The following E2F6 variants were observed in gnomAD, a reference collection of about 807,000 sequenced individuals.
The protein encoded by E2F6 is E2F transcription factor 6.
In E2F6, 19 loss-of-function variants were observed where a neutral mutation model predicts 31.5. That is an observed-to-expected ratio of 0.60 (90% CI 0.42 to 0.89). The LOEUF is 0.89. Among genes scored for constraint, E2F6 ranks in the 40% least tolerant of loss-of-function variants. The pLI, the probability that E2F6 is intolerant of heterozygous loss-of-function variation, is 0.00. For synonymous variants in E2F6, 121 were observed against 127.7 expected, an observed-to-expected ratio of 0.95 and a Z score of 0.36; for missense variants, 269 against 341.6, an observed-to-expected ratio of 0.79 and a Z score of 1.67.
intron 1 of E2F6, among the ~76,000 whole-genome samples, chr2:11,460,010 C>G (rs576349722): frequency 6.6e-6 from 1 of 152,284 alleles, no homozygotes; most frequent in East Asian, 1.9e-4. Flanking sequence ...GTATACAGCT[C>G]TCTAGGAACC....
intron 1 of E2F6, among the ~76,000 whole-genome samples, chr2:11,462,973 TGAA>T (rs1404381880): frequency 5.9e-5 from 9 of 152,320 alleles, no homozygotes; most frequent in African/African-American, 2.2e-4. Flanking sequence ...TGGAAAACCC[TGAA>T]GGAGATTTAT....
At position 11,453,523 on chromosome 2, in the gene E2F6, TG is replaced by T. The variant is rs765057663; in HGVS notation, c.380+58del. On this transcript the variant is annotated intron_variant, in intron 3 of 6. Transcript: ENST00000381525. ...ACACTGCCACTATCTAGTTTAAGCA[TG>T]GAATTGTCACTTGATGAGAAGGAAC... is the stretch of plus-strand genomic sequence containing the variant. 3.3e-3 allele frequency: 4,947 copies of T among 1,484,072 alleles called. 11 individuals carry two copies. Among genetic ancestry groups the T allele is most frequent in the Non-Finnish European group, 4.2e-3 (4,450 of 1,065,838 alleles). 91.9% of individuals were successfully genotyped at this position (1,484,072 alleles called of 1,614,324 possible). A position where few individuals can be genotyped will look rare whatever the true frequency, so the allele number is the denominator to read the frequency against.
chr2:11,454,269 C>T (rs2148346287), intron 2 of E2F6, among the ~76,000 whole-genome samples: 1 of 152,002 alleles, frequency 6.6e-6, no homozygotes, highest in African/African-American at 2.4e-5. Context: ...TGTAAGTTGT[C>T]TGATGAATTT....
intron 1 of E2F6, chr2:11,458,293 G>C: frequency 1.9e-6 from 3 of 1,551,802 alleles, no homozygotes; most frequent in Non-Finnish European, 2.6e-6. Context: ...AAGGATTCAT[G>C]GCGAAGGCAG....
At chr2:11,457,348 G>A (rs1671470724) in intron 1 of E2F6, 115 bp from the exon 2 acceptor site, 1 of 695,418 alleles carries the variant, frequency 1.4e-6, no homozygotes, top group East Asian at 3.0e-5. Flanking sequence ...ATTACTGGCT[G>A]GGCAGAGGCT....
At chr2:11,447,983 A>C (rs1033366683) in intron 5 of E2F6, among the ~76,000 whole-genome samples, 4 of 152,144 alleles carry the variant, frequency 2.6e-5, no homozygotes, top group Non-Finnish European at 2.9e-5. Context: ...TCAGTACTCA[A>C]GAGCCTGTCT....
At chr2:11,459,777 G>C (rs1252403028) in intron 1 of E2F6, among the ~76,000 whole-genome samples, 1 of 152,106 alleles carries the variant, frequency 6.6e-6, no homozygotes, top group Non-Finnish European at 1.5e-5. Flanking sequence ...AAAGCTACTT[G>C]GGAGGCTGAG....
intron 3 of E2F6, among the ~76,000 whole-genome samples, chr2:11,453,219 C>A (rs751247591): frequency 6.6e-6 from 1 of 151,692 alleles, no homozygotes; most frequent in Non-Finnish European, 1.5e-5. Flanking sequence ...CACCTCGCTA[C>A]GTCATAATCT....
At chr2:11,461,587 A>G (rs2148361379) in intron 1 of E2F6, among the ~76,000 whole-genome samples, 1 of 152,332 alleles carries the variant, frequency 6.6e-6, no homozygotes, top group East Asian at 1.9e-4. Flanking sequence ...TCCGGACCTC[A>G]GGTGATCCAC....
At chr2:11,459,437 T>C (rs1259133141) in intron 1 of E2F6, among the ~76,000 whole-genome samples, 1 of 152,228 alleles carries the variant, frequency 6.6e-6, no homozygotes, top group East Asian at 1.9e-4. Context: ...TTCCATTACA[T>C]ATTGGCTATA....
At position 11,451,790 on chromosome 2, in the gene E2F6, T is replaced by G. The variant is rs375413383; in HGVS notation, c.397A>C (p.Asn133His). The G allele has an allele frequency of 6.2e-7, 1 of 1,608,872 alleles. No homozygotes were observed. The highest frequency in any genetic ancestry group is 1.1e-5 in the South Asian group (1 of 90,246). Residue 133 changes from asparagine (N) to histidine (H), a missense_variant, in exon 4 of 7, where the codon AAT becomes CAT. Transcript: ENST00000381525. ...HIRWIGSDLSNFGAVPQQKKL... is the reference protein window; with the variant it reads ...HIRWIGSDLSHFGAVPQQKKL... ...TTTTGTTGGGGAACTGCTCCAAAAT[T>G]GCTAAGATCAGATCCTCTTTAGAAG...
rs545654932 is a variant in E2F6 at position 11,448,960 on chromosome 2, G to T, written c.651+1052C>A. ...TAGGTCCCCAGATCTTCACGGTCAGGCTCTGGCCAAGAGGGCCCATGTGCA... is the reference window on the plus strand; with the variant it reads ...TAGGTCCCCAGATCTTCACGGTCAGTCTCTGGCCAAGAGGGCCCATGTGCA... On this transcript the variant is annotated intron_variant, in intron 5 of 6. Transcript: ENST00000381525. Among the ~76,000 whole-genome samples the T allele has an allele frequency of 2.0e-5, 3 of 152,332 alleles. No homozygotes were observed. The South Asian group carries it at 6.2e-4, about 32-fold the overall frequency.
At chr2:11,459,239 C>T (rs1671608003) in intron 1 of E2F6, among the ~76,000 whole-genome samples, 1 of 152,268 alleles carries the variant, frequency 6.6e-6, no homozygotes, top group South Asian at 2.1e-4. Context: ...GACTTACACA[C>T]TCTACTTACT....
chr2:11,454,635 A>G (rs1671288859), intron 2 of E2F6, among the ~76,000 whole-genome samples: 1 of 152,032 alleles, frequency 6.6e-6, no homozygotes, highest in South Asian at 2.1e-4. Context: ...AGGCATTAAG[A>G]GCCACCGCGG....
At chr2:11,460,459 TAC>T (rs1337367059) in intron 1 of E2F6, among the ~76,000 whole-genome samples, 1 of 152,188 alleles carries the variant, frequency 6.6e-6, no homozygotes, top group Non-Finnish European at 1.5e-5. Flanking sequence ...CTCTAGGAGT[TAC>T]ACTAGCAGCC....
At chr2:11,455,469 C>A (rs2148348593) in intron 2 of E2F6, 1 of 1,297,862 alleles carries the variant, frequency 7.7e-7, no homozygotes, top group East Asian at 5.6e-5. Flanking sequence ...GGAGCCCATT[C>A]CTACACTTAA....
intron 1 of E2F6, among the ~76,000 whole-genome samples, chr2:11,463,998 T>G (rs532047163): frequency 6.3e-4 from 78 of 124,082 alleles, no homozygotes; most frequent in Non-Finnish European, 8.6e-4. Flanking sequence ...CATGAAGGAA[T>G]GGGAAGAGGA....
chr2:11,462,289 G>A (rs569506054), intron 1 of E2F6, among the ~76,000 whole-genome samples: 2 of 152,030 alleles, frequency 1.3e-5, no homozygotes, highest in African/African-American at 2.4e-5. Context: ...GCCTAAAACC[G>A]CAAACAGTAC....
chr2:11,447,824 T>C (rs2148333251), intron 5 of E2F6, 50 bp from the exon 6 acceptor site: 1 of 1,582,884 alleles, frequency 6.3e-7, no homozygotes, highest in East Asian at 2.3e-5. Context: ...ATAAATCATA[T>C]TTTTTCACTC....
Sources: gnomAD v4.1 joint callset for allele counts (sites outside exome capture counted in the v4.1 genomes callset) on GRCh38, gnomAD v4.1.1 for gene constraint, MANE v1.5 for transcripts, NCBI Gene and HGNC (gene_info 2026-07-23, HGNC 2026-07-21) for gene names.